SLC34A1: variants seen among roughly 807,000 people sequenced by gnomAD.
SLC34A1 encodes solute carrier family 34 member 1.
In SLC34A1, 57 loss-of-function variants were observed where a neutral mutation model predicts 51.4. The observed-to-expected ratio is 1.11, with a 90% CI of 0.90 to 1.38. The LOEUF is 1.38. SLC34A1 is among the 40% of genes most tolerant of loss of function. The pLI is 0.00. For synonymous variants in SLC34A1, 368 were observed against 358.0 expected (o/e 1.03, Z -0.32); for missense variants, 796 against 835.6 (o/e 0.95, Z 0.58).
chr5:177,385,606 G>A, intron 1 of SLC34A1, 89 bp from the exon 2 acceptor site: 1 of 715,932 alleles, frequency 1.4e-6, no homozygotes, highest in Non-Finnish European at 2.6e-6. Flanking sequence ...TGCTTTGCTA[G>A]GTGTGTATTT....
At chr5:177,387,635 C>A in intron 5 of SLC34A1, 127 bp from the exon 6 acceptor site, 1 of 807,612 alleles carries the variant, frequency 1.2e-6, no homozygotes, top group Non-Finnish European at 2.1e-6. Context: ...CAACGTTAGG[C>A]AGACTCAGCA....
rs1763026798 is a variant in SLC34A1, at chr5:177,397,975, G to A, written c.1609G>A (p.Gly537Ser). ...PSLVFGISMAGWQVMVGVGTP... is the reference protein window; with the variant it reads ...PSLVFGISMASWQVMVGVGTP... ...ACTGGTGTTTGGCATCTCCATGGCAGGCTGGCAGGTCATGGTAGGTGTGGG... is the reference window on the plus strand; with the variant it reads ...ACTGGTGTTTGGCATCTCCATGGCAAGCTGGCAGGTCATGGTAGGTGTGGG... The change falls in exon 13 of 13, where the codon GGC becomes AGC. Residue 537 changes from glycine to serine, a missense_variant. By Grantham distance (56) the Gly-to-Ser change is moderately conservative (BLOSUM62 0). Coordinates refer to ENST00000324417, the MANE Select transcript of SLC34A1 (RefSeq NM_003052.5). 6.2e-7 allele frequency: 1 copy of A among 1,613,960 alleles called. No individual in the cohort carries two copies. The highest frequency in any genetic ancestry group is 1.7e-5 in the Admixed American group (1 of 60,006).
chr5:177,386,884 G>C lies in SLC34A1; in HGVS notation c.532+318G>C, dbSNP rs1038331230. 2.6e-5 allele frequency among the ~76,000 whole-genome samples: 4 copies of C among 152,194 alleles called. No homozygotes were observed. In the South Asian group the frequency reaches 8.3e-4, roughly 32 times the overall value. On this transcript the variant is annotated intron_variant, in intron 5 of 12. Transcript: ENST00000324417. This position sits in a 1 kb window ranked among gnomAD's most constrained non-coding sequence, Gnocchi z 4.8. ...AGGGCAGCGTTTCTCCTTTCTCAGG[G>C]AAGCCTCAGTTCTGCTTGAGGCCTT...
rs1389590796 is a variant in SLC34A1 at position 177,385,865 on chromosome 5, C to A, written c.109+15C>A. The A allele has an allele frequency of 6.2e-7, 1 of 1,612,596 alleles. No homozygotes were observed. Among genetic ancestry groups the A allele is most frequent in the African/African-American group, 1.3e-5 (1 of 74,922 alleles). Reference sequence around the variant, plus strand: ...CAGCCCTCAGGGTAAGTGCTGCTCCCACACCCTGGACCCTGGTTGCCCACG... The same window carrying A: ...CAGCCCTCAGGGTAAGTGCTGCTCCAACACCCTGGACCCTGGTTGCCCACG... On this transcript the variant is annotated intron_variant, in intron 2 of 12. Transcript: ENST00000324417.
rs1763014251 is a variant in SLC34A1, at chr5:177,397,667, T to C, written c.1417-116T>C. 5 of 1,413,642 alleles carry C rather than the reference T, an allele frequency of 3.5e-6. No homozygotes were observed. In the Admixed American group the frequency reaches 6.8e-5, roughly 19 times the overall value. The allele number at this position is 1,413,642 out of a possible 1,614,324, so 87.6% of individuals were successfully genotyped here. ...GGGCAGGGGGCACATCACCCCTAAGTGGAAACTTTCCTGCTGCCCAGACCA... is the reference window on the plus strand; with the variant it reads ...GGGCAGGGGGCACATCACCCCTAAGCGGAAACTTTCCTGCTGCCCAGACCA... On this transcript the variant is annotated intron_variant, in intron 12 of 12. Coordinates refer to ENST00000324417, the MANE Select transcript of SLC34A1 (RefSeq NM_003052.5).
chr5:177,386,487 G>C lies in SLC34A1; in HGVS notation c.453G>C (p.Val151=). The change falls in exon 5 of 13, where the codon GTG becomes GTC. Residue 151 remains valine, a synonymous_variant. Coordinates refer to ENST00000324417, the MANE Select transcript of SLC34A1 (RefSeq NM_003052.5). This position sits in a 1 kb window ranked among gnomAD's most constrained non-coding sequence, Gnocchi z 4.8. ...TGTCCAACCCGGTGGCCGGGCTGGT[G>C]GTGGGGATCCTGGTGACCGTGCTGG... ...AILSNPVAGL[V]VGILVTVLVQ... The C allele has an allele frequency of 6.2e-7, 1 of 1,614,206 alleles. No individual in the cohort carries two copies.
rs200493624 is a variant in SLC34A1 at position 177,386,264 on chromosome 5, G to A, written c.303G>A (p.Leu101=). ...VPKLRQAGAM[L]LKVPLMLTFL... Reference sequence around the variant, plus strand: ...AGCTGCGCCAGGCTGGCGCCATGCTGCTCAAGGTGCCACTGATGCTCACCT... The same window carrying A: ...AGCTGCGCCAGGCTGGCGCCATGCTACTCAAGGTGCCACTGATGCTCACCT... Residue 101 remains leucine (L), a synonymous_variant, in exon 4 of 13, where the codon CTG becomes CTA. Coordinates refer to ENST00000324417, the MANE Select transcript of SLC34A1 (RefSeq NM_003052.5). This position sits in a 1 kb window ranked among gnomAD's most constrained non-coding sequence, Gnocchi z 4.8. 2.6e-5 allele frequency: 42 copies of A among 1,614,226 alleles called. No homozygotes were observed. Among genetic ancestry groups the A allele is most frequent in the Admixed American group, 3.3e-5 (2 of 60,036 alleles).
intron 8 of SLC34A1, chr5:177,390,525 C>A: frequency 3.6e-6 from 1 of 279,682 alleles, no homozygotes; most frequent in Non-Finnish European, 5.4e-6. Flanking sequence ...TATCTCGTTG[C>A]CTCTCTCACT....
At chr5:177,390,255 G>T (rs566793947) in intron 8 of SLC34A1, 1 of 990,644 alleles carries the variant, frequency 1.0e-6, no homozygotes, top group East Asian at 1.1e-4. Context: ...CAGCAGCAGC[G>T]GCAGTTGAGT....
Position 177,387,906 on chromosome 5 carries a change from T to C in SLC34A1, c.644+33T>C, listed in dbSNP as rs752898524. ...GGGCTGGGGGTTGGGGGCTCGTGCC[T>C]GGGGGAGGACAGCCCCAGATGCCAG... On this transcript the variant is annotated intron_variant, in intron 6 of 12. Transcript: ENST00000324417. 9 of 1,525,802 alleles carry C rather than the reference T, an allele frequency of 5.9e-6. No homozygotes were observed. In the South Asian group the frequency reaches 6.8e-5, roughly 11 times the overall value. The allele number at this position is 1,525,802 out of a possible 1,614,324, so 94.5% of individuals were successfully genotyped here.
chr5:177,389,387 T>C (rs902038702), intron 8 of SLC34A1, among the ~76,000 whole-genome samples: 26 of 152,020 alleles, frequency 1.7e-4, no homozygotes, highest in East Asian at 5.8e-4. Context: ...CCCTTGCTGC[T>C]TCTTGTGACT....
rs1442180979 is a variant in SLC34A1, at chr5:177,393,891, G to A, written c.1006+128G>A. ...ATGGCTGTCAACTAGCCCAGCTCCTGAGCCTGGGTCAAGCTCCGGTGTTGA... is the reference window on the plus strand; with the variant it reads ...ATGGCTGTCAACTAGCCCAGCTCCTAAGCCTGGGTCAAGCTCCGGTGTTGA... On this transcript the variant is annotated intron_variant, in intron 9 of 12. Transcript: ENST00000324417. 4.0e-6 allele frequency: 6 copies of A among 1,487,668 alleles called. No individual in the cohort carries two copies. In the African/African-American group the frequency reaches 6.9e-5, roughly 17 times the overall value. 92.2% of individuals were successfully genotyped at this position (1,487,668 alleles called of 1,614,324 possible).
At position 177,396,865 on chromosome 5, in the gene SLC34A1, G is replaced by A. The variant is rs1295406121; in HGVS notation, c.1291+16G>A. On this transcript the variant is annotated intron_variant, in intron 11 of 12. Transcript: ENST00000324417. This position sits in a 1 kb window ranked among gnomAD's most constrained non-coding sequence, Gnocchi z 4.0. ...CCACTCATCGGTGAGTGCCCATGTAGAGGTGGAGTGGGGTGGGCCAGGGCT... is the reference window on the plus strand; with the variant it reads ...CCACTCATCGGTGAGTGCCCATGTAAAGGTGGAGTGGGGTGGGCCAGGGCT... The A allele has an allele frequency of 6.2e-7, 1 of 1,614,076 alleles. No individual in the cohort carries two copies. Among genetic ancestry groups the A allele is most frequent in the Non-Finnish European group, 8.5e-7 (1 of 1,180,016 alleles).
intron 10 of SLC34A1, 53 bp downstream of exon 10, chr5:177,394,248 C>T: frequency 6.4e-7 from 1 of 1,557,552 alleles, no homozygotes; most frequent in Non-Finnish European, 8.9e-7. Flanking sequence ...CTTTCCAGAT[C>T]CTGCTAAGTC....
chr5:177,393,013 A>C (rs1461035932), intron 8 of SLC34A1, among the ~76,000 whole-genome samples: 1 of 152,198 alleles, frequency 6.6e-6, no homozygotes, highest in African/African-American at 2.4e-5. Flanking sequence ...GGATGGTGAC[A>C]GTGATCAGGA....
Position 177,398,540 on chromosome 5 carries a change from A to G in SLC34A1, c.*254A>G. The G allele has an allele frequency of 1.7e-6, 1 of 590,032 alleles. No individual in the cohort carries two copies. Among genetic ancestry groups the G allele is most frequent in the South Asian group, 1.9e-5 (1 of 52,560 alleles). The allele number at this position is 590,032 out of a possible 1,614,324, so 36.5% of individuals were successfully genotyped here. A position where few individuals can be genotyped will look rare whatever the true frequency, so the allele number is the denominator to read the frequency against. On this transcript the variant is annotated 3_prime_UTR_variant, in exon 13 of 13. Transcript: ENST00000324417. The surrounding 1 kb of genome is among the most constrained non-coding windows in gnomAD (Gnocchi z 4.7). ...GGTGTGCCAGCCCATGCAGGTGTAC[A>G]CAGACACACCTGTGGGAGGCTGTGT... is the stretch of plus-strand genomic sequence containing the variant.
At chr5:177,385,417 C>A (rs983002031) in intron 1 of SLC34A1, among the ~76,000 whole-genome samples, 1 of 152,092 alleles carries the variant, frequency 6.6e-6, no homozygotes, top group Non-Finnish European at 1.5e-5. Flanking sequence ...CACCTCACCA[C>A]CACCACACAC....
rs369770760 is a variant in SLC34A1 at position 177,386,498 on chromosome 5, T to C, written c.464T>C (p.Leu155Pro). Residue 155 changes from leucine to proline, a missense_variant, in exon 5 of 13, where the codon CTG (leucine) becomes CCG (proline). Coordinates refer to ENST00000324417, the MANE Select transcript of SLC34A1 (RefSeq NM_003052.5). The surrounding 1 kb of genome is among the most constrained non-coding windows in gnomAD (Gnocchi z 4.8). ...GTGGCCGGGCTGGTGGTGGGGATCCTGGTGACCGTGCTGGTGCAGAGCTCC... is the reference window on the plus strand; with the variant it reads ...GTGGCCGGGCTGGTGGTGGGGATCCCGGTGACCGTGCTGGTGCAGAGCTCC... ...NPVAGLVVGI[L>P]VTVLVQSSST... The C allele has an allele frequency of 2.3e-5, 37 of 1,614,082 alleles. No individual in the cohort carries two copies. Among genetic ancestry groups the C allele is most frequent in the Non-Finnish European group, 3.0e-5 (35 of 1,180,038 alleles).
At position 177,387,997 on chromosome 5, in the gene SLC34A1, C is replaced by T; in HGVS notation, c.648C>T (p.Ala216=). The change falls in exon 7 of 13, where the codon GCC becomes GCT. Residue 216 remains alanine (A), a synonymous_variant. Transcript: ENST00000324417. ...QAGDRTDFRR[A]FAGATVHDCF... is the part of the protein sequence containing the mutation. ...GCAATGTGGCCTCCCTGCCCAGGGCCTTCGCGGGGGCCACGGTGCATGACT... is the reference window on the plus strand; with the variant it reads ...GCAATGTGGCCTCCCTGCCCAGGGCTTTCGCGGGGGCCACGGTGCATGACT... 6.2e-7 allele frequency: 1 copy of T among 1,612,836 alleles called. No homozygotes were observed. The highest frequency in any genetic ancestry group is 8.5e-7 in the Non-Finnish European group (1 of 1,179,216).
Sources: gnomAD v4.1 joint callset for allele counts (sites outside exome capture counted in the v4.1 genomes callset) on GRCh38, gnomAD v4.1.1 for gene constraint, Gnocchi (gnomAD v3.1) non-coding constraint, MANE v1.5 for transcripts, NCBI Gene and HGNC (gene_info 2026-07-23, HGNC 2026-07-21) for gene names.